Variants in NKAIN4 observed in about 807,000 individuals in gnomAD.
NKAIN4 encodes the protein sodium/potassium-transporting ATPase subunit beta-1-interacting protein 4.
NKAIN4 carries 28 observed loss-of-function variants against 28.8 expected under a neutral mutation model. The observed-to-expected ratio is 0.97, with a 90% confidence interval of 0.72 to 1.33. NKAIN4 has a LOEUF of 1.33. Ranked by LOEUF, NKAIN4 falls within the 40% of genes most tolerant of loss-of-function variation. NKAIN4 has a pLI of 0.00. For synonymous variants in NKAIN4, 122 were observed against 115.6 expected, an observed-to-expected ratio of 1.06 and a Z score of -0.36; for missense variants, 289 against 277.2, an observed-to-expected ratio of 1.04 and a Z score of -0.30.
chr20:63,246,076 C>T (rs145885648), intron 4 of NKAIN4, among the ~76,000 whole-genome samples: 3,974 of 152,152 alleles, frequency 0.026, 157 homozygotes, highest in African/African-American at 0.089. Flanking sequence ...TACAGGCGCC[C>T]GCCACCACGC....
chr20:63,254,567 T>TCCGCATCCCGTTCCCCCCG, upstream of NKAIN4: 1 of 576,728 alleles, frequency 1.7e-6, no homozygotes, highest in Non-Finnish European at 2.2e-6. Flanking sequence ...CGTTCCCCCC[T>TCCGCATCCCGTTCCCCCCG]CCTCCCCGCA....
chr20:63,248,067 C>G, intron 3 of NKAIN4: 1 of 312,326 alleles, frequency 3.2e-6, no homozygotes, highest in East Asian at 5.2e-5. Flanking sequence ...GCCCCTTCCT[C>G]GTGTCGCTGG....
chr20:63,248,253 T>C (rs746484548), intron 3 of NKAIN4: 3 of 165,720 alleles, frequency 1.8e-5, no homozygotes, highest in Non-Finnish European at 3.9e-5. Flanking sequence ...CCATCCACCC[T>C]GGCTTTAGGA....
chr20:63,249,091 C>G (rs1464269719), intron 2 of NKAIN4, 196 bp from the exon 3 acceptor site: 1 of 568,042 alleles, frequency 1.8e-6, no homozygotes, highest in Non-Finnish European at 3.2e-6. Flanking sequence ...CAGAGCTTTC[C>G]CACGTGGGTG....
At chr20:63,246,818 A>C (rs148405473) in intron 4 of NKAIN4, 1 of 985,318 alleles carries the variant, frequency 1.0e-6, no homozygotes, top group Non-Finnish European at 1.2e-6. Context: ...CTTTCTGAGC[A>C]CTTCGAGGAA....
At chr20:63,254,525 G>T, upstream of NKAIN4, 1 of 1,093,070 alleles carries the variant, frequency 9.1e-7, no homozygotes, top group Non-Finnish European at 1.2e-6. Flanking sequence ...CTCCCCACGC[G>T]CCGCAGCCTG....
rs955189477 is a variant in NKAIN4 at position 63,241,067 on chromosome 20, G to A, written c.*430C>T. On this transcript the variant is annotated 3_prime_UTR_variant, in exon 7 of 7. Coordinates refer to ENST00000370316, the MANE Select transcript of NKAIN4 (RefSeq NM_152864.4). The stretch of plus-strand genomic sequence containing the variant: ...GGGCCCTCACCGCTTGAGGGGTCTC[G>A]GGCCTCACATTGACTTCCTGGGGAG... 8.0e-5 allele frequency: 16 copies of A among 199,422 alleles called. No homozygotes were observed. The highest frequency in any genetic ancestry group is 1.4e-4 in the African/African-American group (6 of 41,854). The allele number at this position is 199,422 out of a possible 1,614,324, so 12.4% of individuals were successfully genotyped here.
chr20:63,253,190 G>C, intron 1 of NKAIN4: 1 of 984,492 alleles, frequency 1.0e-6, no homozygotes, highest in Non-Finnish European at 1.2e-6. Flanking sequence ...GTCTCCTAAG[G>C]GACTCCTGCC....
At position 63,247,786 on chromosome 20, in the gene NKAIN4, G is replaced by C; in HGVS notation, c.274-11C>G. On this transcript the variant is annotated splice_polypyrimidine_tract_variant and intron_variant, in intron 3 of 6. Transcript: ENST00000370316. ...CAGTAGCTCGCTGTCCTAGGGGAGAGGTGCAGGAGCAGGGCCGGTTAGCAC... is the reference window on the plus strand; with the variant it reads ...CAGTAGCTCGCTGTCCTAGGGGAGACGTGCAGGAGCAGGGCCGGTTAGCAC... 2.8e-6 allele frequency: 4 copies of C among 1,442,320 alleles called. No homozygotes were observed. The South Asian group carries it at 6.2e-5, about 22-fold the overall frequency. The allele number at this position is 1,442,320 out of a possible 1,614,324, so 89.3% of individuals were successfully genotyped here.
intron 4 of NKAIN4, chr20:63,247,094 A>G (rs2236191): frequency 0.66 from 680,566 of 1,032,346 alleles, 225,325 homozygotes; most frequent in East Asian, 0.87. Context: ...GCCTTGCCAG[A>G]TGCATACGCC....
intron 5 of NKAIN4, 127 bp downstream of exon 5, chr20:63,243,897 G>T: frequency 6.7e-6 from 5 of 741,604 alleles, no homozygotes; most frequent in Non-Finnish European, 1.2e-5. Context: ...CGTGAGCAAG[G>T]CCCTGCTGGG....
chr20:63,245,932 CTT>C lies in NKAIN4; in HGVS notation c.471+1644_471+1645del, dbSNP rs372655588. Among the ~76,000 whole-genome samples the C allele has an allele frequency of 2.8e-5, 4 of 142,978 alleles. No individual in the cohort carries two copies. The highest frequency in any genetic ancestry group is 6.9e-5 in the Admixed American group (1 of 14,432). The allele number at this position is 142,978 out of a possible 152,430, so 93.8% of individuals were successfully genotyped here. On this transcript the variant is annotated intron_variant, in intron 4 of 6. Transcript: ENST00000370316. The surrounding 1 kb of genome is among the most constrained non-coding windows in gnomAD (Gnocchi z 4.7). ...TCTTCATTCATTCCCCTCAAGCTTCCTTTTTTTTTTTTTGAGACAGAGTCTCG... is the reference window on the plus strand; with the variant it reads ...TCTTCATTCATTCCCCTCAAGCTTCCTTTTTTTTTTTGAGACAGAGTCTCG...
In NKAIN4 at chr20:63,245,962, C is replaced by G. The variant is rs572674728; in HGVS notation, c.471+1616G>C. Among the ~76,000 whole-genome samples the G allele has an allele frequency of 8.6e-5, 13 of 150,802 alleles. No individual in the cohort carries two copies. The highest frequency in any genetic ancestry group is 6.3e-4 in the South Asian group (3 of 4,764). On this transcript the variant is annotated intron_variant, in intron 4 of 6. Transcript: ENST00000370316. This position sits in a 1 kb window ranked among gnomAD's most constrained non-coding sequence, Gnocchi z 4.7. ...TTTTTTTTTGAGACAGAGTCTCGCT[C>G]TGTCACCCAGGCTGGAGTGCAGTGG...
intron 1 of NKAIN4, chr20:63,253,557 T>G (rs907768739): frequency 5.1e-5 from 50 of 977,622 alleles, no homozygotes; most frequent in Non-Finnish European, 6.0e-5. Flanking sequence ...ATCGTTTCCT[T>G]TTTAAGACGG....
intron 5 of NKAIN4, 52 bp downstream of exon 5, chr20:63,243,972 C>T: frequency 6.8e-7 from 1 of 1,477,506 alleles, no homozygotes; most frequent in Non-Finnish European, 9.4e-7. Context: ...CTCAGAGCTG[C>T]CACCTCTGTA....
At position 63,241,526 on chromosome 20, in the gene NKAIN4, G is replaced by A; in HGVS notation, c.618-20C>T. The A allele has an allele frequency of 2.6e-6, 4 of 1,549,676 alleles. No individual in the cohort carries two copies. The highest frequency in any genetic ancestry group is 3.5e-6 in the Non-Finnish European group (4 of 1,146,390). On this transcript the variant is annotated intron_variant, in intron 6 of 6. Transcript: ENST00000370316. Reference sequence around the variant, plus strand: ...GCAGGCCTGTGGGGACAAGGTCAGAGAGCACCTGGGGGAACAGGGCTGGGG... The same window carrying A: ...GCAGGCCTGTGGGGACAAGGTCAGAAAGCACCTGGGGGAACAGGGCTGGGG...
chr20:63,253,516 C>CGGAG (rs1244967052), intron 1 of NKAIN4: 29 of 985,416 alleles, frequency 2.9e-5, no homozygotes, highest in Non-Finnish European at 3.5e-5. Context: ...GGGGGGCGCG[C>CGGAG]GGTCCAGCTG....
rs2066932779 is a variant in NKAIN4 at position 63,250,224 on chromosome 20, T to TA, written c.55-153dup. 3 of 841,410 alleles carry TA rather than the reference T, an allele frequency of 3.6e-6. No homozygotes were observed. The African/African-American group carries it at 5.1e-5, about 14-fold the overall frequency. 52.1% of individuals were successfully genotyped at this position (841,410 alleles called of 1,614,324 possible). On this transcript the variant is annotated intron_variant, in intron 1 of 6. Coordinates refer to ENST00000370316, the MANE Select transcript of NKAIN4 (RefSeq NM_152864.4). Reference sequence around the variant, plus strand: ...TGTTTGACGAAGGACACCAGGGCTGTAACTCCTGCTCTGTGACCACCACCG... The same window carrying TA: ...TGTTTGACGAAGGACACCAGGGCTGTAAACTCCTGCTCTGTGACCACCACCG...
At chr20:63,242,945 C>T (rs1221845544) in intron 5 of NKAIN4, among the ~76,000 whole-genome samples, 7 of 145,640 alleles carry the variant, frequency 4.8e-5, no homozygotes, top group Non-Finnish European at 7.6e-5. Flanking sequence ...GGGATGGCCT[C>T]GGGGGACAGT....
Sources: gnomAD v4.1 joint callset for allele counts (sites outside exome capture counted in the v4.1 genomes callset) on GRCh38, gnomAD v4.1.1 for gene constraint, Gnocchi (gnomAD v3.1) non-coding constraint, MANE v1.5 for transcripts, NCBI Gene and HGNC (gene_info 2026-07-23, HGNC 2026-07-21) for gene names.